Variants in DOCK8 observed in about 807,000 individuals in gnomAD.
The protein encoded by DOCK8 is dedicator of cytokinesis 8, also known as dedicator of cytokinesis protein 8.
Under a neutral mutation model 245.6 loss-of-function variants are expected in DOCK8, and 141 were observed. The ratio of observed to expected loss-of-function variants is 0.57; its 90% CI spans 0.50 to 0.66. The LOEUF is 0.66. Among genes scored for constraint, DOCK8 ranks in the 30% least tolerant of loss-of-function variants. The pLI, the probability that DOCK8 is intolerant of heterozygous loss-of-function variation, is 0.00. For missense variants in DOCK8, 2,965 were observed against 2,603.4 expected (o/e 1.14, Z -3.02); for synonymous variants, 1,168 against 970.2 (o/e 1.20, Z -3.79).
At position 372,237 on chromosome 9, in the gene DOCK8, C is replaced by T. The variant is rs766820743; in HGVS notation, c.2060C>T (p.Pro687Leu). Reference protein sequence around the residue: ...ERLQTGSYCLPVALEKLPPNY... With the variant: ...ERLQTGSYCLLVALEKLPPNY... ...CTTCAAACTGGATCCTACTGTCTCC[C>T]AGTTGCCTTGGAAAAATTGCCACCC... Residue 687 changes from proline (P) to leucine (L), a missense_variant, in exon 18 of 48, where the codon CCA becomes CTA. Around this residue, in one of 3 missense-constraint regions of DOCK8, gnomAD observed 2,825 missense variants for 2,453.5 expected, o/e 1.15. Coordinates refer to ENST00000432829, the MANE Select transcript of DOCK8 (RefSeq NM_203447.4). 25 of 1,613,992 alleles carry T rather than the reference C, an allele frequency of 1.5e-5. No individual in the cohort carries two copies. The Admixed American group carries it at 4.0e-4, about 26-fold the overall frequency.
intron 5 of DOCK8, 149 bp from the exon 6 acceptor site, chr9:311,805 T>TA: frequency 1.0e-6 from 1 of 968,498 alleles, no homozygotes; most frequent in South Asian, 1.3e-5. Context: ...ATGTCATTCT[T>TA]ATCAAATCCG....
chr9:340,380 G>C, intron 14 of DOCK8, 59 bp downstream of exon 14: 1 of 1,605,722 alleles, frequency 6.2e-7, no homozygotes, highest in Admixed American at 1.7e-5. Flanking sequence ...CATAACTTTG[G>C]GAGGCCGAGG....
chr9:393,303 C>T (rs894234291), intron 24 of DOCK8, among the ~76,000 whole-genome samples: 1 of 151,630 alleles, frequency 6.6e-6, no homozygotes, highest in Non-Finnish European at 1.5e-5. Context: ...TCACAGAATC[C>T]CAATAATAGT....
intron 22 of DOCK8, among the ~76,000 whole-genome samples, chr9:383,607 G>A (rs940906498): frequency 5.4e-5 from 8 of 148,110 alleles, no homozygotes; most frequent in Admixed American, 7.0e-5. Flanking sequence ...GGCTGAGGCA[G>A]GAGAATCACG....
chr9:266,330 A>G (rs1587689936), intron 1 of DOCK8, among the ~76,000 whole-genome samples: 1 of 152,150 alleles, frequency 6.6e-6, no homozygotes, highest in African/African-American at 2.4e-5. Flanking sequence ...AGGAACAGCA[A>G]CAGAGAGCCC....
intron 2 of DOCK8, among the ~76,000 whole-genome samples, chr9:283,798 G>T (rs567881827): frequency 3.7e-4 from 57 of 152,180 alleles, no homozygotes; most frequent in African/African-American, 1.1e-3. Context: ...TTACCTTCAG[G>T]CTATGTGTAT....
intron 9 of DOCK8, among the ~76,000 whole-genome samples, chr9:330,200 A>T (rs1023342851): frequency 6.6e-6 from 1 of 151,940 alleles, no homozygotes; most frequent in Non-Finnish European, 1.5e-5. Context: ...ATTTTGTGAA[A>T]TTTTTTTTTA....
intron 1 of DOCK8, among the ~76,000 whole-genome samples, chr9:218,139 T>A (rs1445430019): frequency 1.3e-5 from 2 of 152,224 alleles, no homozygotes; most frequent in Non-Finnish European, 1.5e-5. Flanking sequence ...TTATTTTTTT[T>A]AAATAGGTCA....
At chr9:268,718 G>A (rs988558144) in intron 1 of DOCK8, among the ~76,000 whole-genome samples, 1 of 152,206 alleles carries the variant, frequency 6.6e-6, no homozygotes, top group Admixed American at 6.5e-5. Flanking sequence ...CTGTAAAAAG[G>A]TCAGCTTGAT....
chr9:215,391 T>C (rs2046725435), intron 1 of DOCK8: 1 of 1,569,346 alleles, frequency 6.4e-7, no homozygotes, highest in South Asian at 1.2e-5. Flanking sequence ...CCACGGAGTG[T>C]CTCATAAACG....
intron 26 of DOCK8, among the ~76,000 whole-genome samples, chr9:400,968 C>G (rs1327431377): frequency 8.4e-6 from 1 of 118,672 alleles, no homozygotes; most frequent in Admixed American, 8.9e-5. Flanking sequence ...ACCACCACCT[C>G]CTCCACCATC....
chr9:403,725 C>T (rs941241619), intron 26 of DOCK8, among the ~76,000 whole-genome samples: 1 of 151,166 alleles, frequency 6.6e-6, no homozygotes, highest in African/African-American at 2.4e-5. Context: ...ATTAGCTGGG[C>T]ATGTTGATGT....
chr9:226,834 C>G (rs1176594047), intron 1 of DOCK8, among the ~76,000 whole-genome samples: 3 of 152,090 alleles, frequency 2.0e-5, no homozygotes, highest in African/African-American at 4.8e-5. Context: ...GAAGTCAAGA[C>G]TGGATATTTA....
intron 14 of DOCK8, among the ~76,000 whole-genome samples, chr9:364,381 C>T (rs1483659554): frequency 1.3e-5 from 2 of 152,068 alleles, no homozygotes; most frequent in Non-Finnish European, 2.9e-5. Context: ...GCCTGTAATT[C>T]CAGCACTGTG....
chr9:285,186 CCAT>C (rs1421700227), intron 2 of DOCK8, among the ~76,000 whole-genome samples: 3 of 152,154 alleles, frequency 2.0e-5, no homozygotes, highest in Non-Finnish European at 4.4e-5. Flanking sequence ...CATGTCTCCT[CCAT>C]CATCAGGGAC....
At chr9:452,363 A>G in intron 46 of DOCK8, 1 of 294,310 alleles carries the variant, frequency 3.4e-6, no homozygotes, top group Non-Finnish European at 6.4e-6. Flanking sequence ...TACTTGAACT[A>G]CTAATGAGTA....
At chr9:338,102 C>T (rs973480227) in intron 12 of DOCK8, among the ~76,000 whole-genome samples, 7 of 151,478 alleles carry the variant, frequency 4.6e-5, no homozygotes, top group East Asian at 3.9e-4. Context: ...TGCAGTGAGC[C>T]GAGATTGCCC....
At chr9:279,806 G>C (rs2048503444) in intron 2 of DOCK8, among the ~76,000 whole-genome samples, 1 of 152,194 alleles carries the variant, frequency 6.6e-6, no homozygotes, top group African/African-American at 2.4e-5. Flanking sequence ...GCGCCAGCTG[G>C]AGACATCATG....
intron 32 of DOCK8, 27 bp downstream of exon 32, chr9:421,105 C>T (rs771016259): frequency 1.9e-6 from 3 of 1,613,464 alleles, no homozygotes; most frequent in Non-Finnish European, 1.7e-6. Context: ...CTTCCCTGCT[C>T]TCTGTCAAGC....
Sources: allele counts gnomAD v4.1 joint callset (sites outside exome capture counted in the v4.1 genomes callset), GRCh38; gene constraint gnomAD v4.1.1; regional missense constraint gnomAD v4.1.1; transcripts MANE v1.5; gene names NCBI Gene and HGNC (gene_info 2026-07-23, HGNC 2026-07-21).